CTNNA3: variants seen among roughly 807,000 people sequenced by gnomAD.
The protein encoded by CTNNA3 is catenin alpha 3.
CTNNA3 carries 76 observed loss-of-function variants against 95.7 expected under a neutral mutation model. That is an observed-to-expected ratio of 0.79 (90% CI 0.66 to 0.96). The LOEUF is 0.96. Among genes scored for constraint, CTNNA3 ranks in the 40% least tolerant of loss-of-function variants. The pLI is 0.00. For synonymous variants in CTNNA3, 431 were observed against 374.4 expected, an observed-to-expected ratio of 1.15 and a Z score of -1.74; for missense variants, 1,191 against 1,089.8, an observed-to-expected ratio of 1.09 and a Z score of -1.31.
chr10:67,307,080 A>G (rs1473463845), intron 5 of CTNNA3, among the ~76,000 whole-genome samples: 2 of 152,236 alleles, frequency 1.3e-5, no homozygotes, highest in Non-Finnish European at 2.9e-5. Context: ...ATCTACCTGA[A>G]TTCAAACTCT....
At chr10:67,642,374 T>C (rs1192439089) in intron 2 of CTNNA3, among the ~76,000 whole-genome samples, 1 of 151,064 alleles carries the variant, frequency 6.6e-6, no homozygotes, top group East Asian at 1.9e-4. Flanking sequence ...GCAAAAGACA[T>C]GAACAGACAC....
chr10:66,376,548 C>A (rs1182977820), intron 12 of CTNNA3, among the ~76,000 whole-genome samples: 1 of 152,096 alleles, frequency 6.6e-6, no homozygotes, highest in Non-Finnish European at 1.5e-5. Flanking sequence ...TGATTAAAAT[C>A]AAAGGTGCTA....
intron 13 of CTNNA3, among the ~76,000 whole-genome samples, chr10:66,245,089 C>T (rs1049646348): frequency 5.9e-5 from 9 of 152,154 alleles, no homozygotes; most frequent in Non-Finnish European, 1.2e-4. Context: ...GATCCCATGC[C>T]TGCCAAGGGT....
chr10:66,981,312 A>G (rs966827221), intron 7 of CTNNA3, among the ~76,000 whole-genome samples: 1 of 152,120 alleles, frequency 6.6e-6, no homozygotes, highest in Admixed American at 6.6e-5. Context: ...ACCTTCATCT[A>G]TATCTCTAAA....
chr10:67,482,417 T>C (rs1478421098), intron 5 of CTNNA3, among the ~76,000 whole-genome samples: 270 of 129,594 alleles, frequency 2.1e-3, no homozygotes, highest in Admixed American at 3.1e-3. Flanking sequence ...TATCCTCTTT[T>C]ATTTCATTGA....
chr10:66,094,328 G>T (rs1196436843), intron 14 of CTNNA3, among the ~76,000 whole-genome samples: 3 of 152,056 alleles, frequency 2.0e-5, no homozygotes, highest in Admixed American at 1.3e-4. Flanking sequence ...CCTTTACAGA[G>T]GGCATTAGGA....
chr10:66,378,099 T>C (rs900465817), intron 12 of CTNNA3, among the ~76,000 whole-genome samples: 1 of 152,172 alleles, frequency 6.6e-6, no homozygotes, highest in African/African-American at 2.4e-5. Context: ...TTGCTAAGCT[T>C]GCCTTGCAGC....
At chr10:67,739,126 A>C (rs1377093369) in intron 1 of CTNNA3, among the ~76,000 whole-genome samples, 1 of 152,216 alleles carries the variant, frequency 6.6e-6, no homozygotes, top group African/African-American at 2.4e-5. Flanking sequence ...GAGCAACTCC[A>C]AGACACATAA....
Position 66,822,334 on chromosome 10 carries a change from G to A in CTNNA3, c.1048-46810C>T, listed in dbSNP as rs115128666. ...TGGCATTCTTAACTGGAGTTAGAAC[G>A]GGCCTTCAGAATCCTCATCACAGTG... On this transcript the variant is annotated intron_variant, in intron 7 of 17. Transcript: ENST00000433211. 3.3e-3 allele frequency among the ~76,000 whole-genome samples: 495 copies of A among 152,090 alleles called. 1 individual carries two copies. Among genetic ancestry groups the A allele is most frequent in the African/African-American group, 0.011 (450 of 41,508 alleles).
intron 15 of CTNNA3, among the ~76,000 whole-genome samples, chr10:65,993,519 C>T (rs2078586379): frequency 6.6e-6 from 1 of 152,078 alleles, no homozygotes; most frequent in Non-Finnish European, 1.5e-5. Flanking sequence ...CTCTTTTTTA[C>T]TGTTTTTGAC....
At chr10:66,407,423 GATAATA>G (rs796912259) in intron 11 of CTNNA3, among the ~76,000 whole-genome samples, 2 of 151,848 alleles carry the variant, frequency 1.3e-5, no homozygotes, top group African/African-American at 4.8e-5. Flanking sequence ...TAGCACCGAT[GATAATA>G]ATAATAATAA....
intron 13 of CTNNA3, among the ~76,000 whole-genome samples, chr10:66,271,586 T>C (rs577543163): frequency 6.6e-6 from 1 of 152,302 alleles, no homozygotes; most frequent in African/African-American, 2.4e-5. Context: ...GTCTTCCCCA[T>C]ATTACCCTTC....
intron 10 of CTNNA3, among the ~76,000 whole-genome samples, chr10:66,547,347 C>CTTTTTTTTT (rs1296263060): frequency 8.2e-5 from 9 of 109,290 alleles, no homozygotes; most frequent in Admixed American, 3.5e-4. Flanking sequence ...TTCTTTCTTT[C>CTTTTTTTTT]TTTTTTTTTT....
intron 1 of CTNNA3, among the ~76,000 whole-genome samples, chr10:67,660,749 G>C (rs1840161012): frequency 6.6e-6 from 1 of 152,046 alleles, no homozygotes; most frequent in Non-Finnish European, 1.5e-5. Flanking sequence ...GGCTAACACA[G>C]TGAAACCCCA....
At chr10:67,433,684 G>A (rs572627347) in intron 5 of CTNNA3, among the ~76,000 whole-genome samples, 1 of 151,940 alleles carries the variant, frequency 6.6e-6, no homozygotes, top group African/African-American at 2.4e-5. Context: ...AATATGTATT[G>A]GATGAATATA....
intron 12 of CTNNA3, among the ~76,000 whole-genome samples, chr10:66,356,336 C>T (rs2092610400): frequency 6.6e-6 from 1 of 151,814 alleles, no homozygotes; most frequent in Non-Finnish European, 1.5e-5. Context: ...TGATACATCA[C>T]TCCATTTTTT....
intron 13 of CTNNA3, among the ~76,000 whole-genome samples, chr10:66,190,211 T>C (rs541893736): frequency 6.6e-6 from 1 of 152,130 alleles, no homozygotes; most frequent in Non-Finnish European, 1.5e-5. Flanking sequence ...GGATCTTCAA[T>C]AACAGTAATA....
chr10:66,915,752 ATT>A lies in CTNNA3; in HGVS notation c.1048-140230_1048-140229del, dbSNP rs3056549. On this transcript the variant is annotated intron_variant, in intron 7 of 17. Coordinates refer to ENST00000433211, the MANE Select transcript of CTNNA3 (RefSeq NM_013266.4). ...CACACACACATATATACATATATAC[ATT>A]TTTTTTTTTTTTTTAGATGGAGCCT... Among the ~76,000 whole-genome samples the A allele has an allele frequency of 4.1e-3, 568 of 137,214 alleles. 1 individual carries two copies. Among genetic ancestry groups the A allele is most frequent in the Non-Finnish European group, 5.1e-3 (331 of 64,456 alleles). 90.0% of individuals were successfully genotyped at this position (137,214 alleles called of 152,430 possible).
chr10:67,314,907 C>G (rs191526548), intron 5 of CTNNA3, among the ~76,000 whole-genome samples: 16 of 152,304 alleles, frequency 1.1e-4, no homozygotes, highest in South Asian at 4.1e-4. Flanking sequence ...CAAATGACTT[C>G]TAAGTGGCCC....
Sources: allele counts gnomAD v4.1 joint callset (sites outside exome capture counted in the v4.1 genomes callset), GRCh38; gene constraint gnomAD v4.1.1; transcripts MANE v1.5; gene names NCBI Gene and HGNC (gene_info 2026-07-23, HGNC 2026-07-21).